ZIM2: variants seen among roughly 807,000 people sequenced by gnomAD.
ZIM2 encodes zinc finger imprinted 2, also known as zinc finger protein 656.
Under a neutral mutation model 38.6 loss-of-function variants are expected in ZIM2, and 14 were observed. The ratio of observed to expected loss-of-function variants is 0.36; its 90% CI spans 0.24 to 0.57. The LOEUF (loss-of-function observed/expected upper bound fraction) is 0.57, where lower values mean the gene tolerates loss of function less well. Among genes scored for constraint, ZIM2 ranks in the 20% least tolerant of loss-of-function variants. ZIM2 has a pLI of 0.81. For synonymous variants in ZIM2, 247 were observed against 245.8 expected (o/e 1.00, Z -0.04); for missense variants, 680 against 695.1 (o/e 0.98, Z 0.24).
chr19:56,813,026 A>T (rs2059644691), intron 9 of ZIM2: 3 of 985,680 alleles, frequency 3.0e-6, no homozygotes, highest in South Asian at 4.7e-5. Flanking sequence ...TCAAACAGTA[A>T]GGAGTAAAAG....
chr19:56,787,279 TTTTG>T (rs762970452), intron 10 of ZIM2, among the ~76,000 whole-genome samples: 1 of 152,046 alleles, frequency 6.6e-6, no homozygotes, highest in South Asian at 2.1e-4. Flanking sequence ...TCTTTTTTGG[TTTTG>T]TTTTTGTTTT....
intron 9 of ZIM2, among the ~76,000 whole-genome samples, chr19:56,790,854 T>C (rs1360124725): frequency 2.0e-5 from 3 of 152,170 alleles, no homozygotes; most frequent in East Asian, 3.9e-4. Flanking sequence ...ACATTACATA[T>C]GTAAGGCACA....
At chr19:56,800,640 G>C (rs1422994673) in intron 9 of ZIM2, among the ~76,000 whole-genome samples, 1 of 152,038 alleles carries the variant, frequency 6.6e-6, no homozygotes, top group Non-Finnish European at 1.5e-5. Flanking sequence ...TAGACATAAA[G>C]ATGTATTTTT....
At chr19:56,804,291 C>T (rs911307515) in intron 9 of ZIM2, among the ~76,000 whole-genome samples, 11 of 152,200 alleles carry the variant, frequency 7.2e-5, no homozygotes, top group African/African-American at 2.7e-4. Context: ...CCTTTGCCAC[C>T]TGCACTGACA....
Position 56,821,531 on chromosome 19 carries a change from T to C in ZIM2, c.294+120A>G, listed in dbSNP as rs758041525. 3 of 1,243,370 alleles carry C rather than the reference T, an allele frequency of 2.4e-6. No homozygotes were observed. The East Asian group carries it at 7.0e-5, about 29-fold the overall frequency. 77.0% of individuals were successfully genotyped at this position (1,243,370 alleles called of 1,614,324 possible). On this transcript the variant is annotated intron_variant, in intron 7 of 12. Transcript: ENST00000629319. ...TGGGCCCGGGCTCCTCCTGGAGCGC[T>C]GGGACTCTCACCCCAGCTGGACTCT... is the stretch of plus-strand genomic sequence containing the variant.
chr19:56,812,100 A>G, intron 9 of ZIM2: 1 of 977,030 alleles, frequency 1.0e-6, no homozygotes, highest in Non-Finnish European at 1.2e-6. Flanking sequence ...ATCTACACTT[A>G]CATTTTGCAA....
rs1243353475 is a variant in ZIM2 at position 56,774,612 on chromosome 19, G to A, written c.*76C>T. 6.6e-7 allele frequency: 1 copy of A among 1,521,958 alleles called. No homozygotes were observed. The highest frequency in any genetic ancestry group is 2.3e-5 in the East Asian group (1 of 44,018). 94.3% of individuals were successfully genotyped at this position (1,521,958 alleles called of 1,614,324 possible). A position where few individuals can be genotyped will look rare whatever the true frequency, so the allele number is the denominator to read the frequency against. ...TGTTAACAAGGTGGGGCTAGTGAAA[G>A]GCCTTCTCACACTCACAACACTCTA... On this transcript the variant is annotated 3_prime_UTR_variant, in exon 13 of 13. Transcript: ENST00000629319.
At chr19:56,781,583 T>C (rs902256824) in intron 11 of ZIM2, among the ~76,000 whole-genome samples, 6 of 152,138 alleles carry the variant, frequency 3.9e-5, no homozygotes, top group African/African-American at 1.4e-4. Context: ...TGGAGTCTGC[T>C]TGGGGTTAAA....
chr19:56,826,701 T>C (rs1013970761), intron 2 of ZIM2, among the ~76,000 whole-genome samples: 1 of 152,152 alleles, frequency 6.6e-6, no homozygotes, highest in Non-Finnish European at 1.5e-5. Flanking sequence ...AAGACAAAGA[T>C]ATCACTAAGA....
chr19:56,838,761 C>A (rs1210357878), intron 1 of ZIM2, among the ~76,000 whole-genome samples: 1 of 152,234 alleles, frequency 6.6e-6, no homozygotes, highest in African/African-American at 2.4e-5. Context: ...GCAAAACAGC[C>A]TGGCGACCAG....
intron 9 of ZIM2, among the ~76,000 whole-genome samples, chr19:56,790,326 T>C (rs2046863863): frequency 6.6e-6 from 1 of 152,194 alleles, no homozygotes; most frequent in Non-Finnish European, 1.5e-5. Flanking sequence ...GAGGTTTTGT[T>C]TTCTGCAGTT....
At chr19:56,780,392 G>A (rs1233076378) in intron 11 of ZIM2, among the ~76,000 whole-genome samples, 2 of 151,880 alleles carry the variant, frequency 1.3e-5, no homozygotes, top group East Asian at 1.9e-4. Context: ...ACAGGCGCCC[G>A]CCACCATACC....
intron 12 of ZIM2, among the ~76,000 whole-genome samples, chr19:56,776,458 T>TGTC (rs1294423532): frequency 6.6e-6 from 1 of 152,222 alleles, no homozygotes; most frequent in Non-Finnish European, 1.5e-5. Context: ...AATGTGGCAT[T>TGTC]TCTTAAAGTG....
At chr19:56,824,072 G>T (rs1335269973) in intron 4 of ZIM2, among the ~76,000 whole-genome samples, 190 bp downstream of exon 4, 6 of 152,150 alleles carry the variant, frequency 3.9e-5, no homozygotes, top group Non-Finnish European at 7.4e-5. Flanking sequence ...GGCATGTGTG[G>T]AGACACTTTT....
rs2145911652 is a variant in ZIM2, at chr19:56,789,780, G to C, written c.570+92C>G. 4.5e-6 allele frequency: 5 copies of C among 1,102,172 alleles called. No individual in the cohort carries two copies. In the East Asian group the frequency reaches 1.5e-4, roughly 33 times the overall value. 68.3% of individuals were successfully genotyped at this position (1,102,172 alleles called of 1,614,324 possible). On this transcript the variant is annotated intron_variant, in intron 10 of 12. Transcript: ENST00000629319. ...ATTTATATAAAAACTTAATGGAAATGAGTATGTGGTTTAATTAAATAAGGA... is the reference window on the plus strand; with the variant it reads ...ATTTATATAAAAACTTAATGGAAATCAGTATGTGGTTTAATTAAATAAGGA...
rs146071987 is a variant in ZIM2 at position 56,785,992 on chromosome 19, C to G, written c.571-3871G>C. Among the ~76,000 whole-genome samples the G allele has an allele frequency of 7.4e-3, 1,124 of 152,132 alleles. 11 individuals carry two copies. The highest frequency in any genetic ancestry group is 0.026 in the African/African-American group (1,071 of 41,492). The stretch of plus-strand genomic sequence containing the variant: ...ATAAATTTCAGAACATTTCATCGCC[C>G]CAAAAGAAACCCTGCACCTTCTAGC... On this transcript the variant is annotated intron_variant, in intron 10 of 12. Coordinates refer to ENST00000629319, the MANE Select transcript of ZIM2 (RefSeq NM_001387356.1).
chr19:56,830,259 C>G (rs1410065399), intron 2 of ZIM2, among the ~76,000 whole-genome samples: 1 of 152,152 alleles, frequency 6.6e-6, no homozygotes, highest in Non-Finnish European at 1.5e-5. Flanking sequence ...CTAACAAAGT[C>G]CAAATAATAG....
intron 9 of ZIM2, chr19:56,812,980 A>G (rs892148935): frequency 1.0e-6 from 1 of 985,744 alleles, no homozygotes; most frequent in Admixed American, 6.1e-5. Context: ...GGCGCAGATG[A>G]AATGGCTGCA....
chr19:56,813,799 C>T (rs773370734), intron 9 of ZIM2: 40 of 1,613,952 alleles, frequency 2.5e-5, no homozygotes, highest in Admixed American at 2.3e-4. Context: ...GGTGCTGGCA[C>T]GTTCGATGTA....
Sources: gnomAD v4.1 joint callset for allele counts (sites outside exome capture counted in the v4.1 genomes callset) on GRCh38, gnomAD v4.1.1 for gene constraint, MANE v1.5 for transcripts, NCBI Gene and HGNC (gene_info 2026-07-23, HGNC 2026-07-21) for gene names.